SORBS3: variants seen among roughly 807,000 people sequenced by gnomAD.
SORBS3 encodes the protein sorbin and SH3 domain containing 3, also known as vinexin.
A neutral mutation model predicts 98.0 loss-of-function variants in SORBS3; 69 were observed. The observed-to-expected ratio is 0.70, with a 90% CI of 0.58 to 0.86. SORBS3 has a LOEUF of 0.86. Ranked by LOEUF, SORBS3 falls within the 40% of genes least tolerant of loss-of-function variation. The pLI is 0.00. For synonymous variants in SORBS3, 394 were observed against 355.4 expected (o/e 1.11, Z -1.22); for missense variants, 954 against 908.5 (o/e 1.05, Z -0.64).
intron 11 of SORBS3, chr8:22,565,596 G>C: frequency 1.3e-6 from 1 of 776,064 alleles, no homozygotes; most frequent in Non-Finnish European, 1.7e-6. Flanking sequence ...ACGTCAGCCC[G>C]ACGACCGGGC....
chr8:22,562,465 C>A (rs1419030303), intron 7 of SORBS3, among the ~76,000 whole-genome samples: 1 of 152,178 alleles, frequency 6.6e-6, no homozygotes, highest in Non-Finnish European at 1.5e-5. Context: ...GGGGCCCTGG[C>A]GGGGTCAGCA....
chr8:22,556,831 C>A lies in SORBS3; in HGVS notation c.337C>A (p.Arg113Ser), dbSNP rs748442141. Residue 113 changes from arginine to serine, a missense_variant, in exon 4 of 21, where the codon CGT becomes AGT. Arg to Ser is a moderately radical substitution (Grantham distance 110). Coordinates refer to ENST00000240123, the MANE Select transcript of SORBS3 (RefSeq NM_005775.5). ...AGCCACGTGGACCAAGGACAGCAAG[C>A]GTCGGGACAAGCGCTGGGTCAAGTA... ...WSATWTKDSKRRDKRWVKYEG... is the reference protein window; with the variant it reads ...WSATWTKDSKSRDKRWVKYEG... 1 of 1,613,674 alleles carries A rather than the reference C, an allele frequency of 6.2e-7. No individual in the cohort carries two copies. The highest frequency in any genetic ancestry group is 8.5e-7 in the Non-Finnish European group (1 of 1,180,040).
At position 22,554,072 on chromosome 8, in the gene SORBS3, C is replaced by T. The variant is rs1383524919; in HGVS notation, c.-55-380C>T. ...AAAGTCCTGTGTTCCCAGGCCCCCT[C>T]TCTGCCGGCTGCCCCACTTCCCCTG... On this transcript the variant is annotated intron_variant, in intron 1 of 20. Coordinates refer to ENST00000240123, the MANE Select transcript of SORBS3 (RefSeq NM_005775.5). The surrounding 1 kb of genome is among the most constrained non-coding windows in gnomAD (Gnocchi z 6.5). Among the ~76,000 whole-genome samples, 2 of 152,320 alleles carry T rather than the reference C, an allele frequency of 1.3e-5. No individual in the cohort carries two copies. Among genetic ancestry groups the T allele is most frequent in the African/African-American group, 4.8e-5 (2 of 41,582 alleles).
intron 3 of SORBS3, 40 bp from the exon 4 acceptor site, chr8:22,556,675 C>T: frequency 6.3e-7 from 1 of 1,592,912 alleles, no homozygotes; most frequent in Non-Finnish European, 8.6e-7. Flanking sequence ...AGGTGGAGAC[C>T]CCTGCCTTTC....
upstream of SORBS3, chr8:22,551,766 G>C: frequency 1.0e-6 from 1 of 984,706 alleles, no homozygotes; most frequent in Non-Finnish European, 1.2e-6. This position sits in a 1 kb window ranked among gnomAD's most constrained non-coding sequence, Gnocchi z 5.8. Context: ...CCGCAGTCCA[G>C]ATCCGAGACC....
intron 5 of SORBS3, among the ~76,000 whole-genome samples, chr8:22,559,763 T>G (rs934307704): frequency 6.7e-6 from 1 of 150,240 alleles, no homozygotes; most frequent in African/African-American, 2.4e-5. Flanking sequence ...TCCCTCTGAG[T>G]GAAGAGGTTG....
Position 22,556,885 on chromosome 8 carries a change from G to A in SORBS3, c.391G>A (p.Gly131Ser), listed in dbSNP as rs1242264298. Reference protein sequence around the residue: ...YEGIGPVDESGMPIAPRSSVD... With the variant: ...YEGIGPVDESSMPIAPRSSVD... ...GGGAATCGGGCCCGTGGACGAGAGC[G>A]GCATGCCCATTGCCCCCCGATCCGT... Residue 131 changes from glycine (G) to serine (S), a missense_variant, in exon 4 of 21, where the codon GGC becomes AGC. Gly to Ser is a moderately conservative substitution (Grantham distance 56). Transcript: ENST00000240123. 9 of 1,613,086 alleles carry A rather than the reference G, an allele frequency of 5.6e-6. No homozygotes were observed. Among genetic ancestry groups the A allele is most frequent in the Admixed American group, 1.7e-5 (1 of 60,030 alleles).
chr8:22,559,260 GA>G (rs1426127260), intron 5 of SORBS3, among the ~76,000 whole-genome samples: 1 of 152,206 alleles, frequency 6.6e-6, no homozygotes, highest in Non-Finnish European at 1.5e-5. Flanking sequence ...GCCCTGGTGG[GA>G]CAGGATGAGA....
chr8:22,572,604 C>T (rs1840619606), intron 20 of SORBS3, among the ~76,000 whole-genome samples, 158 bp downstream of exon 20: 1 of 152,228 alleles, frequency 6.6e-6, no homozygotes, highest in African/African-American at 2.4e-5. Context: ...CCGATGCTTC[C>T]CCAAAGCCAG....
intron 17 of SORBS3, 72 bp downstream of exon 17, chr8:22,569,345 AGTT>A: frequency 1.1e-5 from 12 of 1,082,628 alleles, no homozygotes; most frequent in South Asian, 4.1e-5. Context: ...CACTAAAAAC[AGTT>A]TTTTTTTTTT....
upstream of SORBS3, chr8:22,550,141 G>A: frequency 2.3e-6 from 1 of 442,260 alleles, no homozygotes; most frequent in Non-Finnish European, 3.0e-6. Flanking sequence ...GGATAAGAAG[G>A]TTTCTAAGCT....
intron 5 of SORBS3, among the ~76,000 whole-genome samples, chr8:22,559,714 A>G (rs965427479): frequency 6.6e-6 from 1 of 150,694 alleles, no homozygotes; most frequent in South Asian, 2.1e-4. Context: ...AAAAAAAAAA[A>G]GAAAAAAAGA....
intron 20 of SORBS3, among the ~76,000 whole-genome samples, chr8:22,574,170 T>A (rs981812490): frequency 1.5e-5 from 2 of 135,302 alleles, no homozygotes; most frequent in African/African-American, 3.3e-5. Flanking sequence ...CCCGCTGGGG[T>A]TCCCCCCCCT....
chr8:22,566,217 A>T, intron 12 of SORBS3, 128 bp from the exon 13 acceptor site: 1 of 1,284,458 alleles, frequency 7.8e-7, no homozygotes, highest in Non-Finnish European at 1.1e-6. Flanking sequence ...TGGAGAGCCC[A>T]GGACCCGGGA....
rs546140254 is a variant in SORBS3, at chr8:22,552,399, C to G, written c.-56+377C>G. 4.5e-4 allele frequency among the ~76,000 whole-genome samples: 68 copies of G among 152,366 alleles called. 1 individual carries two copies. In the South Asian group the frequency reaches 0.013, roughly 29 times the overall value. On this transcript the variant is annotated intron_variant, in intron 1 of 20. Transcript: ENST00000240123. Reference sequence around the variant, plus strand: ...TGAATTCTGGGAGGACCCCTCCGCTCTCTGCTACATGGGGGACCAGTCCCC... The same window carrying G: ...TGAATTCTGGGAGGACCCCTCCGCTGTCTGCTACATGGGGGACCAGTCCCC...
intron 20 of SORBS3, among the ~76,000 whole-genome samples, chr8:22,574,348 G>A (rs117981741): frequency 6.6e-6 from 1 of 152,170 alleles, no homozygotes; most frequent in Non-Finnish European, 1.5e-5. Flanking sequence ...CGTTTCTCCC[G>A]ATTTCAGTTC....
chr8:22,554,558 A>G lies in SORBS3; in HGVS notation c.52A>G (p.Ile18Val). The G allele has an allele frequency of 1.9e-6, 3 of 1,612,910 alleles. No individual in the cohort carries two copies. The highest frequency in any genetic ancestry group is 2.5e-6 in the Non-Finnish European group (3 of 1,179,956). ...CGCTGGGCTCAGCCTGGACGACTTC[A>G]TCCCTGGCCACCTCCAGTCCCACAT... ...LRAGLSLDDF[I>V]PGHLQSHIGS... The change falls in exon 2 of 21, where the codon ATC becomes GTC. Residue 18 changes from isoleucine to valine, a missense_variant. Physicochemically the swap from Ile to Val is conservative, Grantham distance 29 (BLOSUM62 3). Transcript: ENST00000240123. This position sits in a 1 kb window ranked among gnomAD's most constrained non-coding sequence, Gnocchi z 6.5.
intron 17 of SORBS3, 72 bp from the exon 18 acceptor site, chr8:22,570,838 C>T: frequency 7.2e-7 from 1 of 1,398,592 alleles, no homozygotes; most frequent in Non-Finnish European, 9.8e-7. Context: ...TTGAATGAGA[C>T]AGCCCAGATA....
upstream of SORBS3, among the ~76,000 whole-genome samples, chr8:22,547,427 T>C (rs1411091931): frequency 1.3e-5 from 2 of 152,228 alleles, no homozygotes; most frequent in Non-Finnish European, 2.9e-5. Context: ...CTTTTTAATG[T>C]TGATGCTATT....
Sources: gnomAD v4.1 joint callset for allele counts (sites outside exome capture counted in the v4.1 genomes callset) on GRCh38, gnomAD v4.1.1 for gene constraint, Gnocchi (gnomAD v3.1) non-coding constraint, MANE v1.5 for transcripts, NCBI Gene and HGNC (gene_info 2026-07-23, HGNC 2026-07-21) for gene names.